SCNN1B: variants seen among roughly 807,000 people sequenced by gnomAD.
SCNN1B encodes sodium channel epithelial 1 subunit beta, also known as epithelial sodium channel subunit beta.
A neutral mutation model predicts 65.3 loss-of-function variants in SCNN1B; 46 were observed. The observed-to-expected ratio is 0.70, with a 90% confidence interval of 0.56 to 0.90. SCNN1B has a LOEUF of 0.90. Ranked by LOEUF, SCNN1B falls within the 40% of genes least tolerant of loss-of-function variation. The probability of loss-of-function intolerance (pLI) is 0.00; values close to 1 mark genes in which losing one functional copy is unlikely to be tolerated. For synonymous variants in SCNN1B, 349 were observed against 330.6 expected (o/e 1.06, Z -0.60); for missense variants, 751 against 830.5 (o/e 0.90, Z 1.18).
intron 2 of SCNN1B, among the ~76,000 whole-genome samples, chr16:23,295,755 C>A (rs1960988263): frequency 6.6e-6 from 1 of 152,096 alleles, no homozygotes; most frequent in African/African-American, 2.4e-5. Flanking sequence ...TTAGGAAGTT[C>A]TTAGGGTAGT....
chr16:23,313,760 C>T (rs375270595), intron 1 of SCNN1B, among the ~76,000 whole-genome samples: 1 of 152,144 alleles, frequency 6.6e-6, no homozygotes, highest in African/African-American at 2.4e-5. Context: ...TATAGGCACG[C>T]GCCACCACGC....
chr16:23,303,878 C>A, intron 1 of SCNN1B: 1 of 642,430 alleles, frequency 1.6e-6, no homozygotes, highest in South Asian at 1.8e-5. Flanking sequence ...GAGATGGCAC[C>A]ATTGCACTCT....
chr16:23,301,437 G>GA (rs200306782), upstream of SCNN1B, among the ~76,000 whole-genome samples: 12,328 of 141,506 alleles, frequency 0.087, 1,149 homozygotes, highest in African/African-American at 0.28. Flanking sequence ...GAGAAAGAAA[G>GA]GAAAGAGAAA....
intron 5 of SCNN1B, among the ~76,000 whole-genome samples, chr16:23,368,721 T>C (rs948088410): frequency 4.6e-5 from 7 of 152,220 alleles, no homozygotes; most frequent in Non-Finnish European, 1.0e-4. Flanking sequence ...GCCTAGGAAG[T>C]AGGGAATGCT....
At chr16:23,343,628 AAAG>A (rs1962119998) in intron 1 of SCNN1B, among the ~76,000 whole-genome samples, 1 of 130,394 alleles carries the variant, frequency 7.7e-6, no homozygotes, top group African/African-American at 3.0e-5. Context: ...AGAAAGAAAG[AAAG>A]AAAGAAAGAA....
intron 2 of SCNN1B, among the ~76,000 whole-genome samples, chr16:23,293,072 G>A (rs940583965): frequency 3.8e-4 from 49 of 128,836 alleles, no homozygotes; most frequent in Admixed American, 3.5e-3. Flanking sequence ...CCGAGACTGC[G>A]CCACTGTACT....
chr16:23,282,440 TTAGG>T (rs1960796494), intron 1 of SCNN1B, among the ~76,000 whole-genome samples: 1 of 152,156 alleles, frequency 6.6e-6, no homozygotes, highest in African/African-American at 2.4e-5. Context: ...CTAAGAGAGA[TTAGG>T]TAACTTGCCA....
chr16:23,302,655 C>A (rs980500236), intron 1 of SCNN1B, among the ~76,000 whole-genome samples: 7 of 152,100 alleles, frequency 4.6e-5, no homozygotes, highest in Non-Finnish European at 1.0e-4. Context: ...GGGAAAAGCC[C>A]CCAGGGTGCA....
At chr16:23,332,550 C>T (rs539479150) in intron 1 of SCNN1B, among the ~76,000 whole-genome samples, 17 of 152,172 alleles carry the variant, frequency 1.1e-4, no homozygotes, top group African/African-American at 3.6e-4. Flanking sequence ...AGGCTGATCT[C>T]GTACTCCTAA....
At chr16:23,379,800 T>C (rs1280827464) in intron 11 of SCNN1B, among the ~76,000 whole-genome samples, 1 of 152,082 alleles carries the variant, frequency 6.6e-6, no homozygotes, top group Non-Finnish European at 1.5e-5. Context: ...ATAGGATGGG[T>C]GCTGGGCAGA....
chr16:23,302,688 C>T (rs1961110601), intron 1 of SCNN1B, among the ~76,000 whole-genome samples: 1 of 152,142 alleles, frequency 6.6e-6, no homozygotes, highest in South Asian at 2.1e-4. Flanking sequence ...GGCCAGGGTC[C>T]CCGGCGTGTC....
At chr16:23,365,500 A>T (rs1567313481) in intron 4 of SCNN1B, among the ~76,000 whole-genome samples, 1 of 137,670 alleles carries the variant, frequency 7.3e-6, no homozygotes, top group African/African-American at 2.6e-5. Flanking sequence ...AAAAGAAAGA[A>T]AAAGAAAGAA....
chr16:23,336,883 G>A (rs1037432171), intron 1 of SCNN1B, among the ~76,000 whole-genome samples: 24 of 152,008 alleles, frequency 1.6e-4, no homozygotes, highest in Non-Finnish European at 3.4e-4. Context: ...TATCTAGTAA[G>A]TAAATAATGA....
chr16:23,344,296 G>A (rs1184655614), intron 1 of SCNN1B, among the ~76,000 whole-genome samples: 1 of 152,210 alleles, frequency 6.6e-6, no homozygotes, highest in Non-Finnish European at 1.5e-5. Flanking sequence ...GATTAGAAGG[G>A]TTGGAGAGGT....
In SCNN1B at chr16:23,380,469, G is replaced by C. The variant is rs749331595; in HGVS notation, c.1591G>C (p.Gly531Arg). ...NLGGQFGFWMGGSVLCLIEFG... is the reference protein window; with the variant it reads ...NLGGQFGFWMRGSVLCLIEFG... ...GGGTGGCCAGTTTGGCTTCTGGATG[G>C]GGGGCTCTGTGCTGTGCCTCATCGA... Residue 531 changes from glycine to arginine, a missense_variant, in exon 13 of 13, where the codon GGG becomes CGG. Coordinates refer to ENST00000343070, the MANE Select transcript of SCNN1B (RefSeq NM_000336.3). This position sits in a 1 kb window ranked among gnomAD's most constrained non-coding sequence, Gnocchi z 5.4. 2 of 1,614,214 alleles carry C rather than the reference G, an allele frequency of 1.2e-6. No homozygotes were observed. The highest frequency in any genetic ancestry group is 1.3e-5 in the African/African-American group (1 of 75,062).
chr16:23,372,833 CTCACGCCTGTAA>C (rs1962813482), intron 7 of SCNN1B, among the ~76,000 whole-genome samples: 1 of 150,580 alleles, frequency 6.6e-6, no homozygotes, highest in African/African-American at 2.4e-5. Context: ...GGCATGGTGG[CTCACGCCTGTAA>C]TCCCAGCACT....
At chr16:23,370,240 G>A (rs1962755219) in intron 5 of SCNN1B, among the ~76,000 whole-genome samples, 1 of 152,126 alleles carries the variant, frequency 6.6e-6, no homozygotes, top group African/African-American at 2.4e-5. Flanking sequence ...CGAGTAGTTG[G>A]GATTACAGGT....
intron 1 of SCNN1B, among the ~76,000 whole-genome samples, chr16:23,331,395 A>G (rs1275560917): frequency 1.4e-5 from 2 of 146,430 alleles, no homozygotes; most frequent in Non-Finnish European, 3.0e-5. Context: ...TGCAATCTCT[A>G]CTCACTACAA....
In SCNN1B at chr16:23,371,788, C is replaced by T. The variant is rs150949875; in HGVS notation, c.1057C>T (p.Arg353Cys). 39 of 1,613,814 alleles carry T rather than the reference C, an allele frequency of 2.4e-5. No homozygotes were observed. Among genetic ancestry groups the T allele is most frequent in the African/African-American group, 1.3e-4 (10 of 74,944 alleles). Residue 353 changes from arginine to cysteine, a missense_variant, in exon 7 of 13, where the codon CGC becomes TGC. Transcript: ENST00000343070. ...CCTCTAAACACAGGACAAGCTTCAGCGCATGGGGGAGCCCTACAGCCCGTG... is the reference window on the plus strand; with the variant it reads ...CCTCTAAACACAGGACAAGCTTCAGTGCATGGGGGAGCCCTACAGCCCGTG... ...SIGVLVDKLQRMGEPYSPCTV... is the reference protein window; with the variant it reads ...SIGVLVDKLQCMGEPYSPCTV...
Sources: allele counts gnomAD v4.1 joint callset (sites outside exome capture counted in the v4.1 genomes callset), GRCh38; gene constraint gnomAD v4.1.1; non-coding constraint Gnocchi (gnomAD v3.1); transcripts MANE v1.5; gene names NCBI Gene and HGNC (gene_info 2026-07-23, HGNC 2026-07-21).